Variants in DGLUCY observed in about 807,000 individuals in gnomAD.
DGLUCY encodes D-glutamate cyclase, mitochondrial.
DGLUCY carries 58 observed loss-of-function variants against 58.5 expected under a neutral mutation model. That is an observed-to-expected ratio of 0.99 (90% CI 0.80 to 1.23). DGLUCY has a LOEUF of 1.23. Ranked by LOEUF, DGLUCY falls within the 50% of genes most tolerant of loss-of-function variation. The pLI is 0.00. For synonymous variants in DGLUCY, 325 were observed against 314.1 expected, an observed-to-expected ratio of 1.03 and a Z score of -0.37; for missense variants, 779 against 784.7, an observed-to-expected ratio of 0.99 and a Z score of 0.09.
At chr14:91,078,876 TTTTATTTATTTA>T (rs34232625) in intron 1 of DGLUCY, among the ~76,000 whole-genome samples, 33 of 136,774 alleles carry the variant, frequency 2.4e-4, no homozygotes, top group East Asian at 2.1e-3. Context: ...TATTTTTAAT[TTTTATTTATTTA>T]TTTATTTATT....
chr14:91,068,118 C>G (rs748096666), intron 1 of DGLUCY, among the ~76,000 whole-genome samples: 72 of 151,504 alleles, frequency 4.8e-4, no homozygotes, highest in Non-Finnish European at 7.7e-4. Context: ...CACACACACC[C>G]CTTGCATTCA....
chr14:91,073,968 A>G (rs957901858), intron 1 of DGLUCY, among the ~76,000 whole-genome samples: 10 of 151,758 alleles, frequency 6.6e-5, no homozygotes, highest in Non-Finnish European at 1.5e-4. Flanking sequence ...AAAAAAATTT[A>G]AAAATTGCCT....
chr14:91,215,336 T>TCAGC, intron 12 of DGLUCY, 69 bp from the exon 13 acceptor site: 1 of 1,544,092 alleles, frequency 6.5e-7, no homozygotes, highest in Non-Finnish European at 8.8e-7. Flanking sequence ...TAGTTCTGCT[T>TCAGC]CCTAGAGGCA....
intron 1 of DGLUCY, among the ~76,000 whole-genome samples, chr14:91,085,264 C>G (rs1340548689): frequency 3.3e-5 from 5 of 151,194 alleles, no homozygotes; most frequent in Non-Finnish European, 7.4e-5. Context: ...GTTGATTGCT[C>G]TCTCCGCTAA....
chr14:91,198,289 C>A (rs1042553610), intron 10 of DGLUCY, among the ~76,000 whole-genome samples: 13 of 151,614 alleles, frequency 8.6e-5, no homozygotes, highest in Non-Finnish European at 1.6e-4. Flanking sequence ...GGTGATCCAC[C>A]TGCCTCAGCC....
upstream of DGLUCY, among the ~76,000 whole-genome samples, chr14:91,110,575 C>T (rs779986876): frequency 6.6e-6 from 1 of 151,672 alleles, no homozygotes; most frequent in South Asian, 2.1e-4. Flanking sequence ...GGACTACAGG[C>T]GCCCGCCACC....
At chr14:91,067,785 A>G (rs2043847897) in intron 1 of DGLUCY, among the ~76,000 whole-genome samples, 2 of 152,070 alleles carry the variant, frequency 1.3e-5, no homozygotes, top group South Asian at 4.1e-4. Context: ...CCTGGGTCCA[A>G]GCAATCCACC....
At chr14:91,177,457 T>C (rs948358093) in intron 7 of DGLUCY, among the ~76,000 whole-genome samples, 1 of 152,178 alleles carries the variant, frequency 6.6e-6, no homozygotes, top group Non-Finnish European at 1.5e-5. Context: ...TCATTTCCTG[T>C]GGTATTTGCA....
Position 91,184,105 on chromosome 14 carries a change from G to T in DGLUCY, c.934+2716G>T, listed in dbSNP as rs565910234. 4.6e-3 allele frequency among the ~76,000 whole-genome samples: 698 copies of T among 152,222 alleles called. 9 individuals are homozygous for T. Among genetic ancestry groups the T allele is most frequent in the Non-Finnish European group, 7.6e-3 (518 of 67,990 alleles). ...GCCGACCTCCGTGGAGAGCTGAGGG[G>T]TGAGGCCAGCCTGCAAAGCAGCAGT... On this transcript the variant is annotated intron_variant, in intron 8 of 13. Coordinates refer to ENST00000256324, the MANE Select transcript of DGLUCY (RefSeq NM_001102368.3).
intron 1 of DGLUCY, among the ~76,000 whole-genome samples, chr14:91,157,137 GGA>G (rs2047679040): frequency 6.6e-6 from 1 of 150,922 alleles, no homozygotes; most frequent in African/African-American, 2.4e-5. Flanking sequence ...ATGGATGGAT[GGA>G]TGGATGGATG....
chr14:91,201,539 C>T (rs1160813834), intron 11 of DGLUCY, among the ~76,000 whole-genome samples: 1 of 152,036 alleles, frequency 6.6e-6, no homozygotes, highest in Non-Finnish European at 1.5e-5. Context: ...CCTCGTGATC[C>T]GCCTGCCTCT....
intron 1 of DGLUCY, among the ~76,000 whole-genome samples, chr14:91,073,901 G>A (rs1175664155): frequency 6.6e-5 from 10 of 151,744 alleles, no homozygotes; most frequent in South Asian, 6.2e-4. Flanking sequence ...TGGGAGAATC[G>A]TGTGAGGCCA....
At chr14:91,095,718 G>A (rs116360143) in intron 1 of DGLUCY, among the ~76,000 whole-genome samples, 243 of 152,238 alleles carry the variant, frequency 1.6e-3, no homozygotes, top group African/African-American at 5.5e-3. Context: ...TCTGCAAATG[G>A]GGGGAGAAAA....
chr14:91,202,733 A>G (rs1358853268), intron 11 of DGLUCY, among the ~76,000 whole-genome samples: 4 of 152,138 alleles, frequency 2.6e-5, no homozygotes, highest in East Asian at 1.9e-4. Flanking sequence ...CCGTCCTCCC[A>G]CACCCGCAAT....
chr14:91,223,837 A>G lies in DGLUCY; in HGVS notation c.1717-847A>G, dbSNP rs1334998479. The G allele has an allele frequency of 1.3e-5, 7 of 534,106 alleles. No individual in the cohort carries two copies. In the African/African-American group the frequency reaches 1.4e-4, roughly 11 times the overall value. The allele number at this position is 534,106 out of a possible 1,614,324, so 33.1% of individuals were successfully genotyped here. A position where few individuals can be genotyped will look rare whatever the true frequency, so the allele number is the denominator to read the frequency against. On this transcript the variant is annotated intron_variant, in intron 13 of 13. Coordinates refer to ENST00000256324, the MANE Select transcript of DGLUCY (RefSeq NM_001102368.3). The stretch of plus-strand genomic sequence containing the variant: ...ACAACCCTCTAAAGGAGGCATGATG[A>G]GTACTTTTATCATCACCCTCCCCAT...
At chr14:91,081,995 G>T (rs1372475853) in intron 1 of DGLUCY, among the ~76,000 whole-genome samples, 2 of 151,784 alleles carry the variant, frequency 1.3e-5, no homozygotes, top group Non-Finnish European at 2.9e-5. Context: ...GATTACATTG[G>T]GCCCACCCAG....
chr14:91,109,088 A>G (rs1363516297), upstream of DGLUCY, among the ~76,000 whole-genome samples: 1 of 152,216 alleles, frequency 6.6e-6, no homozygotes, highest in Non-Finnish European at 1.5e-5. Flanking sequence ...AACTGAAAAG[A>G]CACAATGAAT....
chr14:91,172,267 CA>C (rs759562756), intron 5 of DGLUCY, among the ~76,000 whole-genome samples: 214 of 152,114 alleles, frequency 1.4e-3, no homozygotes, highest in Non-Finnish European at 2.1e-3. Flanking sequence ...TTGGTAGAGA[CA>C]GGGTTTCGCT....
chr14:91,111,200 A>ATGTGTG (rs1183383205), upstream of DGLUCY, among the ~76,000 whole-genome samples: 1,660 of 79,106 alleles, frequency 0.021, 63 homozygotes, highest in African/African-American at 0.049. Context: ...TTATTTATAT[A>ATGTGTG]TATGTGTGTG....
Sources: allele counts gnomAD v4.1 joint callset (sites outside exome capture counted in the v4.1 genomes callset), GRCh38; gene constraint gnomAD v4.1.1; transcripts MANE v1.5; gene names NCBI Gene and HGNC (gene_info 2026-07-23, HGNC 2026-07-21).